Variants in ADGRB3 observed in about 807,000 individuals in gnomAD.
The protein encoded by ADGRB3 is adhesion G protein-coupled receptor B3, also known as brain-specific angiogenesis inhibitor 3.
ADGRB3 carries 37 observed loss-of-function variants against 193.4 expected under a neutral mutation model. The observed-to-expected ratio is 0.19, with a 90% confidence interval of 0.15 to 0.25. The LOEUF (loss-of-function observed/expected upper bound fraction) is 0.25. Among genes scored for constraint, ADGRB3 ranks in the 10% least tolerant of loss-of-function variants. The probability of loss-of-function intolerance (pLI) is 1.00; values close to 1 mark genes in which losing one functional copy is unlikely to be tolerated. For synonymous variants in ADGRB3, 690 were observed against 644.2 expected, an observed-to-expected ratio of 1.07 and a Z score of -1.08; for missense variants, 1,637 against 1,852.9, an observed-to-expected ratio of 0.88 and a Z score of 2.14.
At chr6:69,347,396 G>C (rs1487667738) in intron 26 of ADGRB3, among the ~76,000 whole-genome samples, 2 of 152,054 alleles carry the variant, frequency 1.3e-5, no homozygotes, top group African/African-American at 4.8e-5. Flanking sequence ...GGAGTTGGTT[G>C]CTAAAAGCTT....
chr6:69,077,203 C>T (rs369276429), intron 17 of ADGRB3, among the ~76,000 whole-genome samples: 2 of 151,988 alleles, frequency 1.3e-5, no homozygotes, highest in South Asian at 4.2e-4. Context: ...CTTTTTGGAA[C>T]TTTACAGACA....
intron 3 of ADGRB3, among the ~76,000 whole-genome samples, chr6:68,928,086 A>G (rs1304922396): frequency 2.0e-5 from 3 of 152,184 alleles, no homozygotes; most frequent in African/African-American, 7.2e-5. Flanking sequence ...TTTAATTTGC[A>G]TTACACATAT....
intron 17 of ADGRB3, among the ~76,000 whole-genome samples, chr6:69,124,508 G>A (rs1466815924): frequency 2.0e-5 from 3 of 152,160 alleles, no homozygotes; most frequent in Admixed American, 6.5e-5. Context: ...AGAAAACAAG[G>A]ATAACATTAA....
At chr6:69,098,429 T>C (rs969754223) in intron 17 of ADGRB3, among the ~76,000 whole-genome samples, 2 of 152,204 alleles carry the variant, frequency 1.3e-5, no homozygotes, top group Non-Finnish European at 2.9e-5. Flanking sequence ...ATTTTTACTC[T>C]ACTATAAAGA....
chr6:69,135,315 A>C (rs1212554517), intron 17 of ADGRB3, among the ~76,000 whole-genome samples: 2 of 150,890 alleles, frequency 1.3e-5, no homozygotes, highest in African/African-American at 2.4e-5. Flanking sequence ...GGAGATTTTG[A>C]TGCATTACAG....
chr6:69,131,959 T>C (rs1774023982), intron 17 of ADGRB3, among the ~76,000 whole-genome samples: 1 of 152,174 alleles, frequency 6.6e-6, no homozygotes, highest in South Asian at 2.1e-4. Flanking sequence ...CATGAACTCA[T>C]CCGTTTTTAT....
At chr6:68,844,146 G>T (rs1046688653) in intron 3 of ADGRB3, among the ~76,000 whole-genome samples, 4 of 152,004 alleles carry the variant, frequency 2.6e-5, no homozygotes, top group Non-Finnish European at 4.4e-5. Flanking sequence ...ACAAGTAGAG[G>T]CAACCAAAGC....
At chr6:68,723,640 T>C (rs989473045) in intron 3 of ADGRB3, among the ~76,000 whole-genome samples, 4 of 151,774 alleles carry the variant, frequency 2.6e-5, no homozygotes, top group Non-Finnish European at 5.9e-5. Context: ...TGGATATACC[T>C]TGGGGCTAAG....
chr6:69,013,971 A>G lies in ADGRB3; in HGVS notation c.1930-67A>G, dbSNP rs571413693. ...TACCTTTACCACGTAGTCAACCCAA[A>G]TGGGTGTTATTAAAAAGTATAATTC... On this transcript the variant is annotated intron_variant, in intron 11 of 31. Coordinates refer to ENST00000370598, the MANE Select transcript of ADGRB3 (RefSeq NM_001704.3). The G allele has an allele frequency of 1.7e-4, 184 of 1,082,478 alleles. No homozygotes were observed. The South Asian group carries it at 2.5e-3, about 15-fold the overall frequency. 67.1% of individuals were successfully genotyped at this position (1,082,478 alleles called of 1,614,324 possible). A position where few individuals can be genotyped will look rare whatever the true frequency, so the allele number is the denominator to read the frequency against.
At chr6:69,233,875 A>G (rs1299103232) in intron 18 of ADGRB3, among the ~76,000 whole-genome samples, 1 of 152,176 alleles carries the variant, frequency 6.6e-6, no homozygotes, top group East Asian at 1.9e-4. Flanking sequence ...GTAAATATAA[A>G]TAAATAAATA....
intron 3 of ADGRB3, among the ~76,000 whole-genome samples, chr6:68,650,550 T>C (rs1053426498): frequency 6.6e-6 from 1 of 152,148 alleles, no homozygotes; most frequent in African/African-American, 2.4e-5. Flanking sequence ...AAGAATTTAG[T>C]CTAATTTTAT....
chr6:68,847,217 A>G (rs1326150163), intron 3 of ADGRB3, among the ~76,000 whole-genome samples: 5 of 152,132 alleles, frequency 3.3e-5, no homozygotes, highest in Non-Finnish European at 1.5e-5. Flanking sequence ...CTTTCTTTTG[A>G]CTTCACAGGC....
intron 17 of ADGRB3, among the ~76,000 whole-genome samples, chr6:69,107,413 G>A (rs1458129522): frequency 6.6e-6 from 1 of 152,186 alleles, no homozygotes; most frequent in Non-Finnish European, 1.5e-5. Context: ...TATTTATTGA[G>A]TGCCTAATAT....
In ADGRB3 at chr6:69,096,462, C is replaced by T. The variant is rs539185786; in HGVS notation, c.2480+20424C>T. ...TTCCTGAGATCAAGAAAACCATTAA[C>T]AATTATGTTAACTATTTGATGCCAC... On this transcript the variant is annotated intron_variant, in intron 17 of 31. Transcript: ENST00000370598. 9.5e-5 allele frequency among the ~76,000 whole-genome samples: 14 copies of T among 147,656 alleles called. No homozygotes were observed. In the South Asian group the frequency reaches 2.2e-3, roughly 23 times the overall value.
At chr6:69,323,359 A>T (rs1165447837) in intron 20 of ADGRB3, among the ~76,000 whole-genome samples, 1 of 151,992 alleles carries the variant, frequency 6.6e-6, no homozygotes, top group East Asian at 1.9e-4. Context: ...AAAATAAGCA[A>T]ACTAGTCAGC....
chr6:68,879,708 AT>A (rs771931822), intron 3 of ADGRB3, among the ~76,000 whole-genome samples: 15 of 152,142 alleles, frequency 9.9e-5, no homozygotes, highest in Non-Finnish European at 1.5e-4. Flanking sequence ...TCACACCCCC[AT>A]ACCTGAGCTT....
chr6:69,133,972 T>C (rs1774082838), intron 17 of ADGRB3, among the ~76,000 whole-genome samples: 1 of 152,150 alleles, frequency 6.6e-6, no homozygotes, highest in Non-Finnish European at 1.5e-5. Context: ...TCATTTAGAA[T>C]TATGTTCTCC....
chr6:68,765,537 GACACACAC>G (rs59919588), intron 3 of ADGRB3, among the ~76,000 whole-genome samples: 51 of 143,554 alleles, frequency 3.6e-4, no homozygotes, highest in South Asian at 6.8e-4. Context: ...TATTCTTATA[GACACACAC>G]ACACACACAC....
At chr6:69,038,222 G>A (rs1770930567) in intron 13 of ADGRB3, among the ~76,000 whole-genome samples, 1 of 152,036 alleles carries the variant, frequency 6.6e-6, no homozygotes, top group South Asian at 2.1e-4. Flanking sequence ...TTTGCCTCCT[G>A]TTGTTTTTTG....
Sources: allele counts gnomAD v4.1 joint callset (sites outside exome capture counted in the v4.1 genomes callset), GRCh38; gene constraint gnomAD v4.1.1; transcripts MANE v1.5; gene names NCBI Gene and HGNC (gene_info 2026-07-23, HGNC 2026-07-21).